Variants in PSMD8 observed in about 807,000 individuals in gnomAD.
PSMD8 encodes 26S proteasome non-ATPase regulatory subunit 8.
Under a neutral mutation model 40.0 loss-of-function variants are expected in PSMD8, and 30 were observed. The ratio of observed to expected loss-of-function variants is 0.75; its 90% CI spans 0.56 to 1.02. The LOEUF is 1.02. Ranked by LOEUF, PSMD8 falls within the 50% of genes least tolerant of loss-of-function variation. The pLI, the probability that PSMD8 is intolerant of heterozygous loss-of-function variation, is 0.00. For missense variants in PSMD8, 461 were observed against 463.9 expected (o/e 0.99, Z 0.06); for synonymous variants, 208 against 192.5 (o/e 1.08, Z -0.67).
chr19:38,374,620 G>C lies in PSMD8; in HGVS notation c.19G>C (p.Ala7Pro). 7.3e-6 allele frequency: 11 copies of C among 1,499,212 alleles called. No individual in the cohort carries two copies. Among genetic ancestry groups the C allele is most frequent in the Non-Finnish European group, 9.7e-6 (11 of 1,130,798 alleles). 92.9% of individuals were successfully genotyped at this position (1,499,212 alleles called of 1,614,324 possible). MFIKGRAPRAPPRERRR... is the reference protein window; with the variant it reads MFIKGRPPRAPPRERRR... ...AACTGACATGTTCATTAAGGGCAGG[G>C]CTCCGAGGGCGCCACCTCGAGAGCG... is the stretch of plus-strand genomic sequence containing the variant. The change falls in exon 1 of 7, where the codon GCT becomes CCT. Residue 7 changes from alanine (A) to proline (P), a missense_variant. By Grantham distance (27) the Ala-to-Pro change is conservative (BLOSUM62 -1). Transcript: ENST00000215071.
rs1970636112 is a variant in PSMD8, at chr19:38,380,966, CCTT to C, written c.775_777del (p.Phe259del). The C allele has an allele frequency of 1.3e-6, 2 of 1,588,486 alleles. No individual in the cohort carries two copies. Among genetic ancestry groups the C allele is most frequent in the Non-Finnish European group, 1.7e-6 (2 of 1,166,380 alleles). On this transcript the variant is annotated inframe_deletion, in exon 5 of 7. Coordinates refer to ENST00000215071, the MANE Select transcript of PSMD8 (RefSeq NM_002812.5). The stretch of plus-strand genomic sequence containing the variant: ...GGTAACATCCCCGCCGAGAGCTACA[CCTT>C]CTTCATTGACATCCTGCTCGACACT...
In PSMD8 at chr19:38,383,455, C is replaced by T. The variant is rs1437187492; in HGVS notation, c.*65C>T. On this transcript the variant is annotated 3_prime_UTR_variant, in exon 7 of 7. Transcript: ENST00000215071. ...AAAACAGTTACACTGCAGGGTTTCG[C>T]CCAATAAAGGTGGACTGACATTCCC... is the stretch of plus-strand genomic sequence containing the variant. The T allele has an allele frequency of 7.5e-6, 12 of 1,596,042 alleles. No homozygotes were observed. The highest frequency in any genetic ancestry group is 5.4e-5 in the African/African-American group (4 of 74,580).
In PSMD8 at chr19:38,374,979, A is replaced by G. The variant is rs371092357; in HGVS notation, c.360+18A>G. 1 of 1,544,582 alleles carries G rather than the reference A, an allele frequency of 6.5e-7. No individual in the cohort carries two copies. Among genetic ancestry groups the G allele is most frequent in the Non-Finnish European group, 8.7e-7 (1 of 1,152,402 alleles). On this transcript the variant is annotated intron_variant, in intron 1 of 6. Transcript: ENST00000215071. ...GACTCAAGGTAAAGTCGGCAGGCCC[A>G]GGAAACCGAGTGTTGCGGGCGTGGG... is the stretch of plus-strand genomic sequence containing the variant.
At position 38,374,824 on chromosome 19, in the gene PSMD8, T is replaced by C. The variant is rs752390872; in HGVS notation, c.223T>C (p.Phe75Leu). 1.9e-6 allele frequency: 3 copies of C among 1,575,120 alleles called. No homozygotes were observed. The highest frequency in any genetic ancestry group is 2.3e-5 in the East Asian group (1 of 43,406). Reference protein sequence around the residue: ...AAAAVNGAAGFSSSGPAATSG... With the variant: ...AAAAVNGAAGLSSSGPAATSG... ...CGCGGCGGTGAACGGGGCGGCAGGC[T>C]TCTCGAGCTCCGGGCCCGCGGCAAC... is the stretch of plus-strand genomic sequence containing the variant. Residue 75 changes from phenylalanine to leucine, a missense_variant, in exon 1 of 7, where the codon TTC (phenylalanine) becomes CTC (leucine). By Grantham distance (22) the Phe-to-Leu change is conservative (BLOSUM62 0). Transcript: ENST00000215071.
rs773857979 is a variant in PSMD8, at chr19:38,381,009, G to C, written c.803+10G>C. ...TGCTCGACACTATCAGGTGCGTAGC[G>C]GGGCCGGGCCCTGTGGAGTTTGGAA... is the stretch of plus-strand genomic sequence containing the variant. On this transcript the variant is annotated intron_variant, in intron 5 of 6. Transcript: ENST00000215071. The C allele has an allele frequency of 6.4e-7, 1 of 1,550,780 alleles. No individual in the cohort carries two copies. The highest frequency in any genetic ancestry group is 1.4e-5 in the African/African-American group (1 of 73,246).
chr19:38,381,158 C>T, intron 5 of PSMD8, 159 bp downstream of exon 5: 1 of 602,060 alleles, frequency 1.7e-6, no homozygotes, highest in Non-Finnish European at 2.9e-6. Context: ...GTGAATTGGG[C>T]CTGGTCATGG....
chr19:38,383,272 CCAA>C lies in PSMD8; in HGVS notation c.940_942del (p.Asn314del), dbSNP rs1184610201. 6.2e-7 allele frequency: 1 copy of C among 1,613,012 alleles called. No individual in the cohort carries two copies. The highest frequency in any genetic ancestry group is 2.2e-5 in the East Asian group (1 of 44,880). On this transcript the variant is annotated inframe_deletion, in exon 7 of 7. Coordinates refer to ENST00000215071, the MANE Select transcript of PSMD8 (RefSeq NM_002812.5). ...CTGCAGCGAGGGTGGGTCCTGGGCC[CCAA>C]CAACTACTACAGTTTTGCCAGCCAG...
intron 3 of PSMD8, among the ~76,000 whole-genome samples, chr19:38,377,936 G>A (rs1301986869): frequency 1.3e-5 from 2 of 150,868 alleles, no homozygotes; most frequent in Non-Finnish European, 2.9e-5. Flanking sequence ...CACCGCGCCC[G>A]GCCAGTAACT....
At chr19:38,375,071 A>G (rs1970586814) in intron 1 of PSMD8, 110 bp downstream of exon 1, 2 of 1,473,076 alleles carry the variant, frequency 1.4e-6, no homozygotes, top group Admixed American at 2.2e-5. Context: ...TGCCAGCGAG[A>G]CTGAGGCGGG....
rs1568389220 is a variant in PSMD8, at chr19:38,383,420, CG to C, written c.*31del. The stretch of plus-strand genomic sequence containing the variant: ...CCCGGGCACTGGGTGGGGCAGGGCA[CG>C]AGTTATTTAAAACAGTTACACTGCA... On this transcript the variant is annotated 3_prime_UTR_variant, in exon 7 of 7. Transcript: ENST00000215071. 1 of 1,613,396 alleles carries C rather than the reference CG, an allele frequency of 6.2e-7. No individual in the cohort carries two copies. Among genetic ancestry groups the C allele is most frequent in the South Asian group, 1.1e-5 (1 of 91,042 alleles).
chr19:38,382,616 G>A (rs910741265), intron 6 of PSMD8: 7 of 410,088 alleles, frequency 1.7e-5, no homozygotes, highest in East Asian at 4.1e-5. Context: ...TGGGCTGGGT[G>A]CAGTGGCTCC....
intron 3 of PSMD8, among the ~76,000 whole-genome samples, chr19:38,378,507 C>CA (rs1228248417): frequency 0.016 from 1,147 of 71,622 alleles, 21 homozygotes; most frequent in African/African-American, 0.043. Context: ...GACTCCGTCT[C>CA]AAAAAAAAAA....
rs777509142 is a variant in PSMD8, at chr19:38,379,388, C to T, written c.685C>T (p.Pro229Ser). The change falls in exon 4 of 7, where the codon CCA (proline) becomes TCA (serine). Residue 229 changes from proline (P) to serine (S), a missense_variant. Transcript: ENST00000215071. Reference protein sequence around the residue: ...DIQTNVYIKHPVSLEQYLMEG... With the variant: ...DIQTNVYIKHSVSLEQYLMEG... ...ACAGACCAATGTCTACATCAAGCACCCAGTGTCCCTGGAGCAAGTGAGATG... is the reference window on the plus strand; with the variant it reads ...ACAGACCAATGTCTACATCAAGCACTCAGTGTCCCTGGAGCAAGTGAGATG... 3 of 1,613,834 alleles carry T rather than the reference C, an allele frequency of 1.9e-6. No homozygotes were observed.
chr19:38,378,368 T>C (rs1970613631), intron 3 of PSMD8, among the ~76,000 whole-genome samples: 1 of 151,014 alleles, frequency 6.6e-6, no homozygotes, highest in Admixed American at 6.6e-5. Flanking sequence ...ATTAGCCAGG[T>C]GTGGTGGTGG....
rs984749809 is a variant in PSMD8, at chr19:38,375,014, G to A, written c.360+53G>A. Reference sequence around the variant, plus strand: ...GTGTTGCGGGCGTGGGAGGCGCTACGAGGTGTCTGGACCCAACCAAGTCCC... The same window carrying A: ...GTGTTGCGGGCGTGGGAGGCGCTACAAGGTGTCTGGACCCAACCAAGTCCC... On this transcript the variant is annotated intron_variant, in intron 1 of 6. Transcript: ENST00000215071. The A allele has an allele frequency of 3.1e-5, 48 of 1,533,168 alleles. No individual in the cohort carries two copies. In the African/African-American group the frequency reaches 5.5e-4, roughly 17 times the overall value. 95.0% of individuals were successfully genotyped at this position (1,533,168 alleles called of 1,614,324 possible). A position where few individuals can be genotyped will look rare whatever the true frequency, so the allele number is the denominator to read the frequency against.
At chr19:38,380,282 AAAG>A (rs1357587745) in intron 4 of PSMD8, among the ~76,000 whole-genome samples, 2 of 152,178 alleles carry the variant, frequency 1.3e-5, no homozygotes, top group African/African-American at 2.4e-5. Flanking sequence ...TCAAAAAAGA[AAAG>A]AAAAGGGTAA....
chr19:38,378,480 C>T (rs1015051894), intron 3 of PSMD8, among the ~76,000 whole-genome samples: 1 of 150,004 alleles, frequency 6.7e-6, no homozygotes, highest in African/African-American at 2.5e-5. Context: ...TGCACTCCAG[C>T]CTGGGCGACA....
intron 4 of PSMD8, among the ~76,000 whole-genome samples, chr19:38,379,987 AT>A (rs1161105523): frequency 1.3e-5 from 2 of 152,252 alleles, no homozygotes; most frequent in East Asian, 3.9e-4. Flanking sequence ...ATAAAAACAT[AT>A]TTTTTAAAGA....
chr19:38,380,422 C>T (rs867040229), intron 4 of PSMD8, among the ~76,000 whole-genome samples: 1 of 152,104 alleles, frequency 6.6e-6, no homozygotes, highest in South Asian at 2.1e-4. Flanking sequence ...GTGAGCAGGG[C>T]CAGGGCAAAG....
Sources: gnomAD v4.1 joint callset for allele counts (sites outside exome capture counted in the v4.1 genomes callset) on GRCh38, gnomAD v4.1.1 for gene constraint, MANE v1.5 for transcripts, NCBI Gene and HGNC (gene_info 2026-07-23, HGNC 2026-07-21) for gene names.